The following NIF3L1 variants were observed in gnomAD, a reference collection of about 807,000 sequenced individuals.
NIF3L1 encodes the protein NGG1 interacting factor 3 like 1.
In NIF3L1, 26 loss-of-function variants were observed where a neutral mutation model predicts 35.0. The observed-to-expected ratio is 0.74, with a 90% CI of 0.54 to 1.03. NIF3L1 has a LOEUF of 1.03. Among genes scored for constraint, NIF3L1 ranks in the 50% least tolerant of loss-of-function variants. NIF3L1 has a pLI of 0.00. For missense variants in NIF3L1, 449 were observed against 466.3 expected, an observed-to-expected ratio of 0.96 and a Z score of 0.34; for synonymous variants, 157 against 178.9, an observed-to-expected ratio of 0.88 and a Z score of 0.98.
intron 2 of NIF3L1, among the ~76,000 whole-genome samples, 153 bp downstream of exon 2, chr2:200,892,532 A>G (rs1221969950): frequency 6.6e-6 from 1 of 152,248 alleles, no homozygotes; most frequent in Non-Finnish European, 1.5e-5. Flanking sequence ...GAAATTTGGC[A>G]GTTAAATTGC....
In NIF3L1 at chr2:200,893,146, T is replaced by G. The variant is rs2040234807; in HGVS notation, c.437-100T>G. ...ATGTAAGCATGAGAATGAATCTTTT[T>G]AAAAAGTCATTTCTTAGAAATTTTG... On this transcript the variant is annotated intron_variant, in intron 2 of 6. Coordinates refer to ENST00000409020, the MANE Select transcript of NIF3L1 (RefSeq NM_001369441.2). 1.0e-5 allele frequency: 9 copies of G among 901,356 alleles called. No homozygotes were observed. In the East Asian group the frequency reaches 2.4e-4, roughly 24 times the overall value. 55.8% of individuals were successfully genotyped at this position (901,356 alleles called of 1,614,324 possible).
chr2:200,900,238 A>G (rs1422739317), intron 6 of NIF3L1, among the ~76,000 whole-genome samples: 1 of 152,128 alleles, frequency 6.6e-6, no homozygotes, highest in Non-Finnish European at 1.5e-5. Flanking sequence ...ATACTTTCTC[A>G]TTTAGGATAC....
chr2:200,895,226 C>G, intron 3 of NIF3L1, 38 bp from the exon 4 acceptor site: 2 of 1,593,212 alleles, frequency 1.3e-6, no homozygotes, highest in Non-Finnish European at 1.7e-6. Flanking sequence ...TACATTTTGG[C>G]TATATTTGTC....
chr2:200,889,400 T>C lies in NIF3L1; in HGVS notation c.-279T>C, dbSNP rs1211776807. The C allele has an allele frequency of 1.6e-5, 4 of 250,860 alleles. No individual in the cohort carries two copies. Among genetic ancestry groups the C allele is most frequent in the Non-Finnish European group, 2.4e-5 (3 of 123,708 alleles). 15.5% of individuals were successfully genotyped at this position (250,860 alleles called of 1,614,324 possible). ...AGAAGTTTCCGGGACTGGTGAGTAG[T>C]GGGCGATTTAAAAACCCGCGAGTGT... On this transcript the variant is annotated 5_prime_UTR_variant, in exon 1 of 7. Coordinates refer to ENST00000409020, the MANE Select transcript of NIF3L1 (RefSeq NM_001369441.2).
Position 200,903,600 on chromosome 2 carries a change from T to G in NIF3L1, c.1056T>G (p.Asp352Glu). ...TERGFLSDLR[D>E]MLDSHLENKI... ...GAGGCTTTCTTTCTGACCTTCGAGA[T>G]ATGCTGGATTCTCACTTGGAGAATA... The change falls in exon 7 of 7, where the codon GAT becomes GAG. Residue 352 changes from aspartate (D) to glutamate (E), a missense_variant. By Grantham distance (45) the Asp-to-Glu change is conservative. Transcript: ENST00000409020. 1.9e-6 allele frequency: 3 copies of G among 1,613,968 alleles called. No individual in the cohort carries two copies. Among genetic ancestry groups the G allele is most frequent in the Non-Finnish European group, 2.5e-6 (3 of 1,179,826 alleles).
intron 6 of NIF3L1, among the ~76,000 whole-genome samples, chr2:200,899,889 A>G (rs570301282): frequency 1.3e-5 from 2 of 152,126 alleles, no homozygotes; most frequent in African/African-American, 2.4e-5. Context: ...TCCTACTTGA[A>G]GTACAGCATC....
chr2:200,890,674 T>G (rs2040163662), intron 1 of NIF3L1: 1 of 152,222 alleles, frequency 6.6e-6, no homozygotes, highest in Non-Finnish European at 1.5e-5. Flanking sequence ...AGCCAGCAGT[T>G]TTTTTCTACC....
In NIF3L1 at chr2:200,891,947, T is replaced by C; in HGVS notation, c.4T>C (p.Leu2=). The C allele has an allele frequency of 6.2e-7, 1 of 1,600,120 alleles. No individual in the cohort carries two copies. Among genetic ancestry groups the C allele is most frequent in the Non-Finnish European group, 8.5e-7 (1 of 1,171,638 alleles). ...TTGAACTTTACCTGATTTCTGTATG[T>C]TGTCATCTTGCGTACGCCCAGTCCC... is the stretch of plus-strand genomic sequence containing the variant. M[L]SSCVRPVPTT... The change falls in exon 2 of 7, where the codon TTG becomes CTG. Residue 2 remains leucine, a synonymous_variant. Coordinates refer to ENST00000409020, the MANE Select transcript of NIF3L1 (RefSeq NM_001369441.2).
chr2:200,902,350 T>C (rs866995474), intron 6 of NIF3L1, among the ~76,000 whole-genome samples: 18 of 152,144 alleles, frequency 1.2e-4, no homozygotes, highest in African/African-American at 3.9e-4. Context: ...GGCAGATCAC[T>C]TGAGCCCAGC....
At chr2:200,901,183 C>T (rs372497692) in intron 6 of NIF3L1, among the ~76,000 whole-genome samples, 1 of 151,748 alleles carries the variant, frequency 6.6e-6, no homozygotes, top group African/African-American at 2.4e-5. Flanking sequence ...TCACATTTTC[C>T]CAATTGATAA....
rs755009611 is a variant in NIF3L1, at chr2:200,895,397, A to C, written c.726+7A>C. Reference sequence around the variant, plus strand: ...AATTCTGTCACTGGAGAAGGTAATAAGAATATTTTGTATTTGATCTTAAAA... The same window carrying C: ...AATTCTGTCACTGGAGAAGGTAATACGAATATTTTGTATTTGATCTTAAAA... On this transcript the variant is annotated splice_region_variant and intron_variant, in intron 4 of 6. Transcript: ENST00000409020. 2 of 1,613,820 alleles carry C rather than the reference A, an allele frequency of 1.2e-6. No homozygotes were observed. Among genetic ancestry groups the C allele is most frequent in the South Asian group, 2.2e-5 (2 of 91,070 alleles).
At chr2:200,895,117 G>T (rs1379048575) in intron 3 of NIF3L1, 147 bp from the exon 4 acceptor site, 6 of 720,738 alleles carry the variant, frequency 8.3e-6, no homozygotes, top group Non-Finnish European at 1.4e-5. Context: ...TCTAGAAAAT[G>T]GATTAGTTTC....
chr2:200,895,789 C>T (rs912141128), intron 4 of NIF3L1, among the ~76,000 whole-genome samples: 9 of 152,248 alleles, frequency 5.9e-5, no homozygotes, highest in South Asian at 4.1e-4. Flanking sequence ...CCATGTCATT[C>T]ACTTCTTTAA....
chr2:200,894,580 G>C (rs1488780971), intron 3 of NIF3L1, among the ~76,000 whole-genome samples: 2 of 151,446 alleles, frequency 1.3e-5, no homozygotes, highest in African/African-American at 4.9e-5. Flanking sequence ...AATTTTTTTT[G>C]TATTTTTGGT....
In NIF3L1 at chr2:200,893,395, T is replaced by A. The variant is rs2040240767; in HGVS notation, c.586T>A (p.Ser196Thr). The A allele has an allele frequency of 6.2e-7, 1 of 1,613,984 alleles. No individual in the cohort carries two copies. The highest frequency in any genetic ancestry group is 1.3e-5 in the African/African-American group (1 of 74,942). The change falls in exon 3 of 7, where the codon TCT becomes ACT. Residue 196 changes from serine (S) to threonine (T), a missense_variant. Ser to Thr is a moderately conservative substitution (Grantham distance 58, BLOSUM62 1). Transcript: ENST00000409020. ...AGGAATTGACGGTGTTTCTGTCACT[T>A]CTTTTTCTGCTAGGTACAATTTATT... ...VKGIDGVSVT[S>T]FSARTGNEEQ...
At chr2:200,896,147 C>T (rs1382669088) in intron 4 of NIF3L1, among the ~76,000 whole-genome samples, 1 of 152,228 alleles carries the variant, frequency 6.6e-6, no homozygotes, top group Non-Finnish European at 1.5e-5. Flanking sequence ...TCATTTTCTG[C>T]GATGAGAGTA....
At chr2:200,899,282 A>T in intron 5 of NIF3L1, 103 bp from the exon 6 acceptor site, 1 of 800,310 alleles carries the variant, frequency 1.2e-6, no homozygotes, top group Non-Finnish European at 2.1e-6. Flanking sequence ...TGATGAGACC[A>T]GGAGTGAAAT....
chr2:200,893,057 TG>T (rs2040233395), intron 2 of NIF3L1, among the ~76,000 whole-genome samples, 188 bp from the exon 3 acceptor site: 2 of 152,242 alleles, frequency 1.3e-5, no homozygotes, highest in South Asian at 4.1e-4. Context: ...TGATTTTGTA[TG>T]TCCATGCCAA....
Position 200,897,040 on chromosome 2 carries a change from C to A in NIF3L1, c.727-36C>A, listed in dbSNP as rs773086795. 1.9e-6 allele frequency: 3 copies of A among 1,606,786 alleles called. No homozygotes were observed. The Admixed American group carries it at 5.0e-5, about 27-fold the overall frequency. ...TTAGCATTTGTTGTTTTAGGACTAACAATGCACACCGTTTCTAACTTCTGT... is the reference window on the plus strand; with the variant it reads ...TTAGCATTTGTTGTTTTAGGACTAAAAATGCACACCGTTTCTAACTTCTGT... On this transcript the variant is annotated intron_variant, in intron 4 of 6. Transcript: ENST00000409020.
Sources: allele counts gnomAD v4.1 joint callset (sites outside exome capture counted in the v4.1 genomes callset), GRCh38; gene constraint gnomAD v4.1.1; transcripts MANE v1.5; gene names NCBI Gene and HGNC (gene_info 2026-07-23, HGNC 2026-07-21).